Variants in GRM7 observed in about 807,000 individuals in gnomAD.
The protein encoded by GRM7 is metabotropic glutamate receptor 7.
In GRM7, 35 loss-of-function variants were observed where a neutral mutation model predicts 84.5. The ratio of observed to expected loss-of-function variants is 0.41; its 90% CI spans 0.32 to 0.55. The LOEUF (loss-of-function observed/expected upper bound fraction) is 0.55. GRM7 is among the 20% of genes least tolerant of loss of function. The pLI, the probability that GRM7 is intolerant of heterozygous loss-of-function variation, is 0.19. For missense variants in GRM7, 1,003 were observed against 1,194.6 expected, an observed-to-expected ratio of 0.84 and a Z score of 2.36; for synonymous variants, 487 against 455.1, an observed-to-expected ratio of 1.07 and a Z score of -0.89.
At chr3:7,642,715 T>G (rs1377867137) in intron 8 of GRM7, among the ~76,000 whole-genome samples, 2 of 152,176 alleles carry the variant, frequency 1.3e-5, no homozygotes, top group Non-Finnish European at 2.9e-5. Flanking sequence ...GTTGGAGAAC[T>G]CAAACAATCA....
chr3:7,709,975 T>C (rs998211305), intron 9 of GRM7, among the ~76,000 whole-genome samples: 2 of 152,110 alleles, frequency 1.3e-5, no homozygotes, highest in African/African-American at 4.8e-5. Context: ...TGACTTGTGG[T>C]TGCTCCAAGA....
chr3:7,230,558 C>A (rs1697160657), intron 2 of GRM7, among the ~76,000 whole-genome samples: 1 of 152,138 alleles, frequency 6.6e-6, no homozygotes, highest in Non-Finnish European at 1.5e-5. Flanking sequence ...TCTTCTCTTG[C>A]AAATGTCTAA....
chr3:7,578,982 A>T lies in GRM7; in HGVS notation c.2076A>T (p.Thr692=). 1 of 1,614,152 alleles carries T rather than the reference A, an allele frequency of 6.2e-7. No homozygotes were observed. Among genetic ancestry groups the T allele is most frequent in the Non-Finnish European group, 8.5e-7 (1 of 1,180,016 alleles). Residue 692 remains threonine, a synonymous_variant, in exon 8 of 10, where the codon ACA becomes ACT. Transcript: ENST00000357716. ...TTGAGCAGGGCAAGAAATCAGTAAC[A>T]GCTCCCAGACTCATAAGCCCAACAT... ...RIFEQGKKSV[T]APRLISPTSQ... is the part of the protein sequence containing the mutation.
intron 2 of GRM7, among the ~76,000 whole-genome samples, chr3:7,241,813 G>A (rs982154417): frequency 1.3e-5 from 2 of 152,076 alleles, no homozygotes; most frequent in Non-Finnish European, 2.9e-5. Context: ...TTTTATTTGT[G>A]CACAGATGTG....
At chr3:7,385,741 A>G (rs1288517491) in intron 4 of GRM7, among the ~76,000 whole-genome samples, 1 of 152,260 alleles carries the variant, frequency 6.6e-6, no homozygotes, top group Non-Finnish European at 1.5e-5. Context: ...TTCCATGTGT[A>G]CACAAATGCA....
rs115477267 is a variant in GRM7 at position 7,100,263 on chromosome 3, A to G, written c.520-46189A>G. ...TGAAATGTAGGCTTTATGAAACAACATGGTGTTTCATGGGCTGTGTACTTG... is the reference window on the plus strand; with the variant it reads ...TGAAATGTAGGCTTTATGAAACAACGTGGTGTTTCATGGGCTGTGTACTTG... On this transcript the variant is annotated intron_variant, in intron 1 of 9. Transcript: ENST00000357716. 6.1e-3 allele frequency among the ~76,000 whole-genome samples: 919 copies of G among 151,666 alleles called. 11 individuals carry two copies. Among genetic ancestry groups the G allele is most frequent in the African/African-American group, 0.021 (876 of 41,426 alleles).
intron 1 of GRM7, among the ~76,000 whole-genome samples, chr3:6,949,185 G>A (rs984860204): frequency 3.3e-5 from 5 of 152,154 alleles, no homozygotes; most frequent in Non-Finnish European, 7.3e-5. Context: ...TTTTTGCAGT[G>A]GCTGGTACCG....
chr3:7,601,127 G>C (rs145162908), intron 8 of GRM7, among the ~76,000 whole-genome samples: 2,336 of 152,040 alleles, frequency 0.015, 37 homozygotes, highest in South Asian at 0.08. Flanking sequence ...TAATTATGCT[G>C]GTTATTAAAC....
chr3:7,489,740 T>C (rs1699453604), intron 7 of GRM7, among the ~76,000 whole-genome samples: 2 of 152,140 alleles, frequency 1.3e-5, no homozygotes. Context: ...GAATATATGC[T>C]CTTCATATAT....
At chr3:7,519,612 A>G (rs1249113105) in intron 7 of GRM7, 2 of 152,200 alleles carry the variant, frequency 1.3e-5, no homozygotes, top group Admixed American at 6.5e-5. Flanking sequence ...ATTTTTGATG[A>G]TCTCAAAATA....
intron 1 of GRM7, among the ~76,000 whole-genome samples, chr3:7,130,595 T>A: frequency 6.7e-6 from 1 of 150,100 alleles, no homozygotes; most frequent in African/African-American, 2.4e-5. Context: ...ATGGAGAGGA[T>A]TAGTAGCTCT....
chr3:7,000,550 C>G (rs1694978665), intron 1 of GRM7, among the ~76,000 whole-genome samples: 1 of 152,110 alleles, frequency 6.6e-6, no homozygotes, highest in Non-Finnish European at 1.5e-5. Flanking sequence ...AAAACATGCA[C>G]TACAAGTAGA....
chr3:7,392,731 G>A (rs74425084), intron 4 of GRM7, among the ~76,000 whole-genome samples: 1,553 of 152,290 alleles, frequency 0.01, 80 homozygotes, highest in Admixed American at 0.083. Flanking sequence ...CTCATGCCAA[G>A]GATAAGAGGA....
intron 9 of GRM7, among the ~76,000 whole-genome samples, chr3:7,686,625 C>T (rs1460350532): frequency 2.6e-5 from 4 of 151,840 alleles, no homozygotes; most frequent in Non-Finnish European, 5.9e-5. Flanking sequence ...GGTCATATGC[C>T]TGCTTAATTT....
intron 1 of GRM7, among the ~76,000 whole-genome samples, chr3:7,029,350 G>C (rs1559394118): frequency 6.8e-6 from 1 of 147,832 alleles, no homozygotes; most frequent in Non-Finnish European, 1.5e-5. Flanking sequence ...ACATGAATAA[G>C]CAGTTATACT....
chr3:7,021,485 A>C (rs1695772990), intron 1 of GRM7, among the ~76,000 whole-genome samples: 1 of 152,212 alleles, frequency 6.6e-6, no homozygotes, highest in Non-Finnish European at 1.5e-5. Flanking sequence ...AATTGCTAGA[A>C]GACTGTGAAG....
chr3:7,341,582 G>T (rs758815184), intron 4 of GRM7, among the ~76,000 whole-genome samples: 3 of 151,982 alleles, frequency 2.0e-5, no homozygotes, highest in Non-Finnish European at 4.4e-5. Context: ...AACTTTGTAA[G>T]CAGTGCACTC....
At position 6,876,347 on chromosome 3, in the gene GRM7, C is replaced by G. The variant is rs535605447; in HGVS notation, c.519+14440C>G. Among the ~76,000 whole-genome samples the G allele has an allele frequency of 1.1e-3, 169 of 151,908 alleles. 1 individual carries two copies. In the South Asian group the frequency reaches 0.034, roughly 31 times the overall value. On this transcript the variant is annotated intron_variant, in intron 1 of 9. Coordinates refer to ENST00000357716, the MANE Select transcript of GRM7 (RefSeq NM_000844.4). Reference sequence around the variant, plus strand: ...GGCCTTGGGCTTTCCTGTTTGTTTGCTTCTCCCCAGTTAATATTAGCTAAT... The same window carrying G: ...GGCCTTGGGCTTTCCTGTTTGTTTGGTTCTCCCCAGTTAATATTAGCTAAT...
chr3:7,019,484 G>T (rs13325454), intron 1 of GRM7, among the ~76,000 whole-genome samples: 3,262 of 152,212 alleles, frequency 0.021, 106 homozygotes, highest in African/African-American at 0.075. Flanking sequence ...CAAATAAAAT[G>T]TATTTATTGC....
Sources: allele counts gnomAD v4.1 joint callset (sites outside exome capture counted in the v4.1 genomes callset), GRCh38; gene constraint gnomAD v4.1.1; transcripts MANE v1.5; gene names NCBI Gene and HGNC (gene_info 2026-07-23, HGNC 2026-07-21).